Variants in GALNT16 observed in about 807,000 individuals in gnomAD.
The protein encoded by GALNT16 is UDP-GalNAc:polypeptide N-acetylgalactosaminyltransferase-like protein 1.
A neutral mutation model predicts 76.1 loss-of-function variants in GALNT16; 40 were observed. That is an observed-to-expected ratio of 0.53 (90% CI 0.41 to 0.68). The LOEUF is 0.68. GALNT16 is among the 30% of genes least tolerant of loss of function. The pLI, the probability that GALNT16 is intolerant of heterozygous loss-of-function variation, is 0.00. For missense variants in GALNT16, 621 were observed against 731.9 expected (o/e 0.85, Z 1.75); for synonymous variants, 276 against 285.2 (o/e 0.97, Z 0.32).
chr14:69,323,807 G>A (rs1251222089), intron 2 of GALNT16, among the ~76,000 whole-genome samples: 1 of 152,220 alleles, frequency 6.6e-6, no homozygotes, highest in Non-Finnish European at 1.5e-5. Context: ...AATTCGGGCT[G>A]TAAGCTGCTG....
At chr14:69,313,805 G>A (rs956475138) in intron 1 of GALNT16, among the ~76,000 whole-genome samples, 4 of 113,618 alleles carry the variant, frequency 3.5e-5, no homozygotes, top group African/African-American at 1.0e-4. Context: ...GGTGGCTCTA[G>A]CTGAGTTTCA....
intron 13 of GALNT16, 26 bp downstream of exon 13, chr14:69,347,207 G>A (rs747994112): frequency 1.3e-6 from 2 of 1,578,732 alleles, no homozygotes; most frequent in South Asian, 2.3e-5. Context: ...AGGAATGGGA[G>A]TGGGAGAGAG....
intron 1 of GALNT16, among the ~76,000 whole-genome samples, chr14:69,277,492 C>A (rs1239335006): frequency 6.6e-6 from 1 of 152,194 alleles, no homozygotes; most frequent in Non-Finnish European, 1.5e-5. Context: ...TCTGTCCTTA[C>A]AATAGTTTGC....
Position 69,321,767 on chromosome 14 carries a change from T to C in GALNT16, c.335+899T>C, listed in dbSNP as rs554228738. Reference sequence around the variant, plus strand: ...TGTCCTCTCCTCCATGGAAGGCTCCTTCCCAACCCGGGCTAGGTTGGGCCC... The same window carrying C: ...TGTCCTCTCCTCCATGGAAGGCTCCCTCCCAACCCGGGCTAGGTTGGGCCC... On this transcript the variant is annotated intron_variant, in intron 2 of 14. Transcript: ENST00000448469. 1.4e-4 allele frequency among the ~76,000 whole-genome samples: 21 copies of C among 152,338 alleles called. No individual in the cohort carries two copies. In the East Asian group the frequency reaches 3.1e-3, roughly 22 times the overall value.
chr14:69,260,569 C>G (rs61980290), intron 1 of GALNT16, 102 bp downstream of exon 1: 93,155 of 768,280 alleles, frequency 0.12, 6,890 homozygotes, highest in Middle Eastern at 0.2. Flanking sequence ...GGGCTGAGTG[C>G]CCGCTGCGCC....
Position 69,341,689 on chromosome 14 carries a change from C to T in GALNT16, c.1196C>T (p.Thr399Met), listed in dbSNP as rs371505126. 68 of 1,610,458 alleles carry T rather than the reference C, an allele frequency of 4.2e-5. No homozygotes were observed. The African/African-American group carries it at 4.9e-4, about 12-fold the overall frequency. ...CCTGCCTCCTCCTACAGTGTGGCTA[C>T]GCGGATAGAGCAGAGGAAGAAGATG... ...AIGKAFGSVATRIEQRKKMNC... is the reference protein window; with the variant it reads ...AIGKAFGSVAMRIEQRKKMNC... Residue 399 changes from threonine (T) to methionine (M), a missense_variant, in exon 12 of 15, where the codon ACG becomes ATG. Coordinates refer to ENST00000448469, the MANE Select transcript of GALNT16 (RefSeq NM_001168368.2).
intron 3 of GALNT16, 57 bp from the exon 4 acceptor site, chr14:69,325,280 A>G: frequency 1.8e-6 from 2 of 1,128,502 alleles, no homozygotes; most frequent in Non-Finnish European, 2.7e-6. Context: ...GGGAGTGGTA[A>G]AAATGGGAGG....
intron 1 of GALNT16, among the ~76,000 whole-genome samples, chr14:69,284,940 C>T (rs2044590705): frequency 6.6e-6 from 1 of 152,034 alleles, no homozygotes. Context: ...TTTGCTTCCC[C>T]TTCTGCCATG....
At chr14:69,355,928 G>A (rs1033272722), downstream of GALNT16, 3 of 152,250 alleles carry the variant, frequency 2.0e-5, no homozygotes, top group Non-Finnish European at 2.9e-5. Context: ...AGGCCTGCGG[G>A]GGATGTCTCC....
intron 1 of GALNT16, among the ~76,000 whole-genome samples, chr14:69,315,699 CT>C (rs1292117667): frequency 2.0e-5 from 3 of 152,092 alleles, no homozygotes; most frequent in Non-Finnish European, 4.4e-5. Context: ...TTGGGTTTGA[CT>C]TTGTTTTTTA....
intron 2 of GALNT16, among the ~76,000 whole-genome samples, chr14:69,323,764 G>A (rs1358472099): frequency 2.0e-5 from 3 of 152,192 alleles, no homozygotes; most frequent in African/African-American, 4.8e-5. Context: ...TGTCTGACCT[G>A]GTCTGCTCTG....
At chr14:69,382,567 C>T in the GALNT16 span, among the ~76,000 whole-genome samples, 1 of 152,038 alleles carries the variant, frequency 6.6e-6, no homozygotes, top group Non-Finnish European at 1.5e-5. Flanking sequence ...GTGCCAGTGG[C>T]TCATGCCTGT....
rs2045167245 is a variant in GALNT16, at chr14:69,320,723, C to T, written c.190C>T (p.Pro64Ser). 2 of 1,613,740 alleles carry T rather than the reference C, an allele frequency of 1.2e-6. No individual in the cohort carries two copies. The highest frequency in any genetic ancestry group is 1.7e-6 in the Non-Finnish European group (2 of 1,179,876). Residue 64 changes from proline (P) to serine (S), a missense_variant, in exon 2 of 15, where the codon CCC becomes TCC. Physicochemically the swap from Pro to Ser is moderately conservative, Grantham distance 74. Transcript: ENST00000448469. ...RTIPLIVTGTPSKGFDEKAYL... is the reference protein window; with the variant it reads ...RTIPLIVTGTSSKGFDEKAYL... The stretch of plus-strand genomic sequence containing the variant: ...ACCTTCATCTCAGGTGACAGGAACT[C>T]CCTCGAAAGGCTTTGATGAGAAGGC...
chr14:69,341,584 T>G, intron 11 of GALNT16, 97 bp from the exon 12 acceptor site: 4 of 761,328 alleles, frequency 5.3e-6, no homozygotes, highest in Middle Eastern at 2.3e-4. Context: ...CTTGCCTGCC[T>G]GAGATAGTTG....
At chr14:69,326,910 T>TA (rs1490425359) in intron 5 of GALNT16, among the ~76,000 whole-genome samples, 3 of 152,190 alleles carry the variant, frequency 2.0e-5, no homozygotes, top group African/African-American at 7.2e-5. Flanking sequence ...GCCAGCCGCC[T>TA]ACTCATACTC....
chr14:69,328,354 G>T (rs1261636634), intron 5 of GALNT16, 96 bp from the exon 6 acceptor site: 15 of 1,263,878 alleles, frequency 1.2e-5, no homozygotes, highest in Non-Finnish European at 1.6e-5. Context: ...GGAAGCCTCA[G>T]CCCCTGAAGG....
At chr14:69,380,992 A>G in the GALNT16 span, among the ~76,000 whole-genome samples, 1 of 152,172 alleles carries the variant, frequency 6.6e-6, no homozygotes, top group African/African-American at 2.4e-5. Flanking sequence ...AAACAACAAC[A>G]AAAAAATTGG....
At chr14:69,312,077 C>CTATTA (rs1378113696) in intron 1 of GALNT16, among the ~76,000 whole-genome samples, 28 of 150,630 alleles carry the variant, frequency 1.9e-4, no homozygotes, top group African/African-American at 6.8e-4. Flanking sequence ...ATCTATCTAT[C>CTATTA]TATCTATCTA....
chr14:69,318,640 C>T (rs1414215008), intron 1 of GALNT16, among the ~76,000 whole-genome samples: 1 of 152,194 alleles, frequency 6.6e-6, no homozygotes, highest in Non-Finnish European at 1.5e-5. Flanking sequence ...TCAGAGGTTT[C>T]CTGAGCCCAC....
Sources: gnomAD v4.1 joint callset for allele counts (sites outside exome capture counted in the v4.1 genomes callset) on GRCh38, gnomAD v4.1.1 for gene constraint, MANE v1.5 for transcripts, NCBI Gene and HGNC (gene_info 2026-07-23, HGNC 2026-07-21) for gene names.